The following SOD2 variants were observed in gnomAD, a reference collection of about 807,000 sequenced individuals.
SOD2 encodes superoxide dismutase [Mn], mitochondrial.
A neutral mutation model predicts 27.0 loss-of-function variants in SOD2; 11 were observed. The ratio of observed to expected loss-of-function variants is 0.41; its 90% CI spans 0.26 to 0.67. The LOEUF is 0.67. Among genes scored for constraint, SOD2 ranks in the 30% least tolerant of loss-of-function variants. The pLI is 0.34. For synonymous variants in SOD2, 105 were observed against 103.0 expected, an observed-to-expected ratio of 1.02 and a Z score of -0.12; for missense variants, 250 against 274.5, an observed-to-expected ratio of 0.91 and a Z score of 0.63.
At chr6:159,727,716 C>T (rs1420180948), upstream of SOD2, 4 of 983,566 alleles carry the variant, frequency 4.1e-6, no homozygotes, top group Admixed American at 6.2e-5. Context: ...AGGCGCGGGC[C>T]GGCTGGCGGG....
intron 1 of SOD2, among the ~76,000 whole-genome samples, chr6:159,738,526 A>G (rs1378477082): frequency 6.6e-6 from 1 of 152,188 alleles, no homozygotes; most frequent in Non-Finnish European, 1.5e-5. Context: ...TAGCTTTTAC[A>G]AGTAAAGCTG....
chr6:159,687,094 TCAAAA>T (rs1780225465), intron 3 of SOD2, among the ~76,000 whole-genome samples: 1 of 152,174 alleles, frequency 6.6e-6, no homozygotes, highest in East Asian at 1.9e-4. Flanking sequence ...AATTTAATTC[TCAAAA>T]CAACACCATT....
At chr6:159,702,654 CAAAAAAA>C (rs750073120) in intron 1 of SOD2, among the ~76,000 whole-genome samples, 1,407 of 39,832 alleles carry the variant, frequency 0.035, 35 homozygotes, top group African/African-American at 0.1. Flanking sequence ...TCTATCTCTC[CAAAAAAA>C]AAAAAAAAAA....
chr6:159,743,890 G>T, intron 1 of SOD2: 1 of 1,285,560 alleles, frequency 7.8e-7, no homozygotes, highest in Non-Finnish European at 1.0e-6. Context: ...CTAAATATAA[G>T]AGCTTATCTT....
chr6:159,726,726 C>T, intron 1 of SOD2: 9 of 1,265,790 alleles, frequency 7.1e-6, no homozygotes, highest in Non-Finnish European at 9.2e-6. Context: ...ACCTCCGACG[C>T]CAGAGAACAA....
At chr6:159,698,432 C>A (rs1262984701) in intron 1 of SOD2, among the ~76,000 whole-genome samples, 2 of 151,496 alleles carry the variant, frequency 1.3e-5, no homozygotes, top group East Asian at 3.9e-4. Context: ...ATTAGCCAGG[C>A]ATGGTGGCAA....
At chr6:159,717,982 T>C (rs1777954580) in intron 1 of SOD2, among the ~76,000 whole-genome samples, 1 of 151,688 alleles carries the variant, frequency 6.6e-6, no homozygotes, top group South Asian at 2.1e-4. Context: ...TTCTTTTTCT[T>C]TCTCTCTCCT....
At chr6:159,715,217 A>G (rs1442302292) in intron 1 of SOD2, among the ~76,000 whole-genome samples, 2 of 152,068 alleles carry the variant, frequency 1.3e-5, no homozygotes, top group East Asian at 1.9e-4. Flanking sequence ...TTAGTCGACA[A>G]GAAAAGCTGA....
At chr6:159,735,044 T>C (rs1212861317) in intron 1 of SOD2, among the ~76,000 whole-genome samples, 2 of 152,210 alleles carry the variant, frequency 1.3e-5, no homozygotes, top group African/African-American at 4.8e-5. Flanking sequence ...GAATTTTGTA[T>C]AATAAAGAAG....
intron 1 of SOD2, among the ~76,000 whole-genome samples, chr6:159,722,985 A>C (rs2842967): frequency 1.3e-5 from 2 of 152,006 alleles, no homozygotes; most frequent in African/African-American, 2.4e-5. Context: ...TGCTCCTTTA[A>C]CCAAGACCAT....
chr6:159,717,467 C>T lies in SOD2; in HGVS notation c.-116+9662G>A, dbSNP rs543874328. ...TAATAACTGTACATATTCTGGAGTA[C>T]ACTGTGATATTTCCATACATGTATA... On this transcript the variant is annotated intron_variant, in intron 1 of 2. Coordinates refer to the SOD2 transcript ENST00000401980. Among the ~76,000 whole-genome samples the T allele has an allele frequency of 6.6e-5, 10 of 152,196 alleles. No homozygotes were observed. The South Asian group carries it at 2.1e-3, about 32-fold the overall frequency.
chr6:159,761,899 CCT>C (rs1780139952), exon 1 of SOD2: 3 of 415,480 alleles, frequency 7.2e-6, no homozygotes, highest in African/African-American at 2.1e-5. Flanking sequence ...GCCCCGCGCG[CCT>C]CCGCCCGCCC....
At chr6:159,690,955 G>GT (rs1330746678) in intron 2 of SOD2, 2 of 152,120 alleles carry the variant, frequency 1.3e-5, no homozygotes, top group Admixed American at 1.3e-4. Context: ...TCAGTTAAAT[G>GT]TGATGAGATT....
chr6:159,727,623 CG>C (rs1290088694), upstream of SOD2: 7 of 985,568 alleles, frequency 7.1e-6, no homozygotes, highest in South Asian at 4.6e-5. Flanking sequence ...CGCGGTGGCC[CG>C]GGGGGCCCGG....
In SOD2 at chr6:159,669,940, A is replaced by G. The variant is rs1483851243; in HGVS notation, c.*12553T>C. Reference sequence around the variant, plus strand: ...TCTTTTAAGTGGGAGAATTTAATCCATTTACATTCAAAGTTATCATCAATA... The same window carrying G: ...TCTTTTAAGTGGGAGAATTTAATCCGTTTACATTCAAAGTTATCATCAATA... On this transcript the variant is annotated 3_prime_UTR_variant, in exon 5 of 5. Transcript: ENST00000538183. 6.6e-6 allele frequency: 1 copy of G among 152,192 alleles called. No homozygotes were observed. The highest frequency in any genetic ancestry group is 1.5e-5 in the Non-Finnish European group (1 of 68,034). 9.4% of individuals were successfully genotyped at this position (152,192 alleles called of 1,614,324 possible).
At chr6:159,732,850 TTC>T (rs146820451) in intron 1 of SOD2, among the ~76,000 whole-genome samples, 212 of 146,974 alleles carry the variant, frequency 1.4e-3, no homozygotes, top group African/African-American at 1.9e-3. Context: ...GTCTGCTTCT[TTC>T]TCTCTCTCTC....
In SOD2 at chr6:159,758,519, C is replaced by T. The variant is rs1054081356; in HGVS notation, c.-336+2518G>A. ...TGACAACTTACTTTCTCAGATGTTC[C>T]CTCTTTCATGAGTAGTTATGCCCTG... On this transcript the variant is annotated intron_variant, in intron 1 of 7. Coordinates refer to the SOD2 transcript ENST00000546087. Among the ~76,000 whole-genome samples the T allele has an allele frequency of 2.0e-5, 3 of 152,158 alleles. No individual in the cohort carries two copies. The South Asian group carries it at 6.2e-4, about 32-fold the overall frequency.
intron 1 of SOD2, among the ~76,000 whole-genome samples, chr6:159,721,213 GACCACC>G (rs1303748090): frequency 6.7e-6 from 1 of 149,782 alleles, no homozygotes; most frequent in Non-Finnish European, 1.5e-5. Context: ...GACCACTGGT[GACCACC>G]ACCACGCCTG....
Position 159,679,064 on chromosome 6 carries a change from G to A in SOD2, c.*3429C>T, listed in dbSNP as rs986913124. The A allele has an allele frequency of 2.0e-5, 3 of 152,282 alleles. No individual in the cohort carries two copies. Among genetic ancestry groups the A allele is most frequent in the Non-Finnish European group, 2.9e-5 (2 of 68,020 alleles). The allele number at this position is 152,282 out of a possible 1,614,324, so 9.4% of individuals were successfully genotyped here. A position where few individuals can be genotyped will look rare whatever the true frequency, so the allele number is the denominator to read the frequency against. The stretch of plus-strand genomic sequence containing the variant: ...CCATGGAAACTCAGTGAAAATGACA[G>A]AAGATTATAGGATTTTTAAAGTTTT... On this transcript the variant is annotated 3_prime_UTR_variant, in exon 5 of 5. Coordinates refer to ENST00000538183, the MANE Select transcript of SOD2 (RefSeq NM_000636.4).
Sources: gnomAD v4.1 joint callset for allele counts (sites outside exome capture counted in the v4.1 genomes callset) on GRCh38, gnomAD v4.1.1 for gene constraint, MANE v1.5 for transcripts, NCBI Gene and HGNC (gene_info 2026-07-23, HGNC 2026-07-21) for gene names.